The following ITGA10 variants were observed in gnomAD, a reference collection of about 807,000 sequenced individuals.
ITGA10 encodes the protein integrin alpha-10.
ITGA10 carries 105 observed loss-of-function variants against 145.2 expected under a neutral mutation model. The ratio of observed to expected loss-of-function variants is 0.72; its 90% CI spans 0.62 to 0.85. ITGA10 has a LOEUF of 0.85. Ranked by LOEUF, ITGA10 falls within the 40% of genes least tolerant of loss-of-function variation. The pLI is 0.00. For missense variants in ITGA10, 1,317 were observed against 1,444.5 expected, an observed-to-expected ratio of 0.91 and a Z score of 1.43; for synonymous variants, 506 against 557.8, an observed-to-expected ratio of 0.91 and a Z score of 1.31.
Position 145,896,271 on chromosome 1 carries a change from G to A in ITGA10, c.2916C>T (p.Leu972=). 6.2e-7 allele frequency: 1 copy of A among 1,612,056 alleles called. No individual in the cohort carries two copies. The highest frequency in any genetic ancestry group is 8.5e-7 in the Non-Finnish European group (1 of 1,178,094). Residue 972 remains leucine, a synonymous_variant, in exon 24 of 30, where the codon CTC becomes CTT. Coordinates refer to ENST00000369304, the MANE Select transcript of ITGA10 (RefSeq NM_003637.5). ...VGPGPEFKTT[L]RVQNLGCYVV... is the part of the protein sequence containing the mutation. ...CAAGACCCCTCCAGCTTCTCACCCT[G>A]AGAGTGGTTTTGAATTCTGGGCCAG...
Position 145,902,082 on chromosome 1 carries a change from C to A in ITGA10, c.1150-61G>T, listed in dbSNP as rs1345127327. On this transcript the variant is annotated intron_variant, in intron 10 of 29. Transcript: ENST00000369304. ...CAGTGGGGAATAAAGAGAAAAAAAA[C>A]GTTCCAGGAGTGAAAAGATCACTGA... 14 of 1,547,536 alleles carry A rather than the reference C, an allele frequency of 9.0e-6. No homozygotes were observed. The East Asian group carries it at 1.3e-4, about 15-fold the overall frequency.
chr1:145,901,784 C>A lies in ITGA10; in HGVS notation c.1294+93G>T. 6.4e-7 allele frequency: 1 copy of A among 1,567,544 alleles called. No individual in the cohort carries two copies. On this transcript the variant is annotated intron_variant, in intron 11 of 29. Transcript: ENST00000369304. The surrounding 1 kb of genome is among the most constrained non-coding windows in gnomAD (Gnocchi z 4.3). ...GTAACCAGAGGTCAGTGAGAAACCGCATGAGTTAAGAGGGAGTATTTCATA... is the reference window on the plus strand; with the variant it reads ...GTAACCAGAGGTCAGTGAGAAACCGAATGAGTTAAGAGGGAGTATTTCATA...
At position 145,897,626 on chromosome 1, in the gene ITGA10, G is replaced by C; in HGVS notation, c.2460C>G (p.Gly820=). The part of the protein sequence containing the change: ...SRKAPFVVRG[G]RRKVLVSTTL... ...TTGTAGATACCAGCACTTTCCGCCGGCCACCTCGAACCACAAATGGGGCCT... is the reference window on the plus strand; with the variant it reads ...TTGTAGATACCAGCACTTTCCGCCGCCCACCTCGAACCACAAATGGGGCCT... The change falls in exon 20 of 30, where the codon GGC becomes GGG. Residue 820 remains glycine, a synonymous_variant. Transcript: ENST00000369304. The C allele has an allele frequency of 1.2e-6, 2 of 1,614,116 alleles. No homozygotes were observed. Among genetic ancestry groups the C allele is most frequent in the South Asian group, 2.2e-5 (2 of 91,086 alleles).
At position 145,909,564 on chromosome 1, in the gene ITGA10, TATATATA is replaced by T. The variant is rs1657608945; in HGVS notation, c.52+392_52+398del. On this transcript the variant is annotated intron_variant, in intron 1 of 29. Coordinates refer to ENST00000369304, the MANE Select transcript of ITGA10 (RefSeq NM_003637.5). ...ATTATGTTATATATTATATGTATATTATATATAATATATAATTATGTTACATATTATA... is the reference window on the plus strand; with the variant it reads ...ATTATGTTATATATTATATGTATATTATATATAATTATGTTACATATTATA... 2.9e-5 allele frequency among the ~76,000 whole-genome samples: 4 copies of T among 136,768 alleles called. No individual in the cohort carries two copies. The South Asian group carries it at 6.4e-4, about 22-fold the overall frequency. The allele number at this position is 136,768 out of a possible 152,430, so 89.7% of individuals were successfully genotyped here. A position where few individuals can be genotyped will look rare whatever the true frequency, so the allele number is the denominator to read the frequency against.
chr1:145,901,510 C>T lies in ITGA10; in HGVS notation c.1443+6G>A. On this transcript the variant is annotated splice_donor_region_variant and intron_variant, in intron 12 of 29. Transcript: ENST00000369304. The surrounding 1 kb of genome is among the most constrained non-coding windows in gnomAD (Gnocchi z 4.3). ...CAAAGGTCCCACCCTTCCTTGGATG[C>T]CCTACCTGCTCCCCCTGGAGGCTCT... 6.4e-7 allele frequency: 1 copy of T among 1,556,184 alleles called. No individual in the cohort carries two copies. The highest frequency in any genetic ancestry group is 8.7e-7 in the Non-Finnish European group (1 of 1,154,504).
In ITGA10 at chr1:145,895,331, A is replaced by G. The variant is rs2101753094; in HGVS notation, c.3177T>C (p.Thr1059=). Residue 1059 remains threonine (T), a synonymous_variant, in exon 27 of 30, where the codon ACT becomes ACC. Transcript: ENST00000369304. ...GCCTCAATAGTCCAACAGAGACCTC[A>G]GTCCCCTTTGCCAGCTGCCCAAGGT... ...RCHLGQLAKG[T]EVSVGLLRLV... is the part of the protein sequence containing the mutation. The G allele has an allele frequency of 6.2e-7, 1 of 1,614,202 alleles. No homozygotes were observed. Among genetic ancestry groups the G allele is most frequent in the Non-Finnish European group, 8.5e-7 (1 of 1,180,016 alleles).
intron 18 of ITGA10, 78 bp downstream of exon 18, chr1:145,898,032 C>T (rs1655686962): frequency 7.6e-6 from 10 of 1,315,300 alleles, no homozygotes; most frequent in Non-Finnish European, 1.1e-5. Context: ...ACCATGATCT[C>T]ATGTCTTCTC....
At chr1:145,897,145 G>T in intron 21 of ITGA10, 58 bp from the exon 22 acceptor site, 1 of 1,566,932 alleles carries the variant, frequency 6.4e-7, no homozygotes, top group Non-Finnish European at 8.8e-7. Flanking sequence ...AACTACAGAG[G>T]AACAGGAGCC....
rs1553743658 is a variant in ITGA10, at chr1:145,892,872, GAA to G, written c.3439-11_3439-10del. On this transcript the variant is annotated splice_polypyrimidine_tract_variant and intron_variant, in intron 29 of 29. Coordinates refer to ENST00000369304, the MANE Select transcript of ITGA10 (RefSeq NM_003637.5). ...TGGGCAAAGAAGCCAAGCTGTAGAA[GAA>G]AAGATAAGCGTCACTGCCAAATGCC... 8 of 1,612,370 alleles carry G rather than the reference GAA, an allele frequency of 5.0e-6. No individual in the cohort carries two copies. The highest frequency in any genetic ancestry group is 3.4e-6 in the Non-Finnish European group (4 of 1,178,416).
chr1:145,897,801 C>T lies in ITGA10; in HGVS notation c.2432+14G>A, dbSNP rs372419335. 18 of 1,613,280 alleles carry T rather than the reference C, an allele frequency of 1.1e-5. No homozygotes were observed. The African/African-American group carries it at 1.6e-4, about 14-fold the overall frequency. On this transcript the variant is annotated intron_variant, in intron 19 of 29. Transcript: ENST00000369304. The stretch of plus-strand genomic sequence containing the variant: ...TCAGGTCACCCTGGTTTGCCTAGTA[C>T]ATGTCCATCCAACCTGGAGCCTCTG...
At chr1:145,906,958 G>T in intron 3 of ITGA10, 83 bp downstream of exon 3, 1 of 1,203,954 alleles carries the variant, frequency 8.3e-7, no homozygotes, top group Non-Finnish European at 1.2e-6. Flanking sequence ...TTTTAGGGGT[G>T]AAAAAGCTGA....
At chr1:145,898,866 T>G (rs1655820332) in intron 17 of ITGA10, 70 bp downstream of exon 17, 1 of 1,532,072 alleles carries the variant, frequency 6.5e-7, no homozygotes, top group Non-Finnish European at 8.8e-7. Flanking sequence ...TCAGCTAAAA[T>G]TCCTCCTCTG....
At chr1:145,896,925 A>G (rs782178343) in intron 22 of ITGA10, 67 bp from the exon 23 acceptor site, 53 of 1,533,144 alleles carry the variant, frequency 3.5e-5, no homozygotes, top group Non-Finnish European at 4.6e-5. Flanking sequence ...CTCTGTTAAT[A>G]GAGGAATCAA....
At position 145,895,632 on chromosome 1, in the gene ITGA10, A is replaced by G; in HGVS notation, c.3113T>C (p.Leu1038Pro). ...TGGACACCCCTTTGTGACTCATACC[A>G]GTCTGTTTGTGTGTTGAAGCTCCTC... ...HPEELQHTNR[L>P]NGSNTQCQVV... The change falls in exon 26 of 30, where the codon CTG becomes CCG. Residue 1038 changes from leucine (L) to proline (P), a missense_variant and splice_region_variant. By Grantham distance (98) the Leu-to-Pro change is moderately conservative. Transcript: ENST00000369304. 1 of 1,613,982 alleles carries G rather than the reference A, an allele frequency of 6.2e-7. No homozygotes were observed. Among genetic ancestry groups the G allele is most frequent in the Non-Finnish European group, 8.5e-7 (1 of 1,179,920 alleles).
At chr1:145,908,382 C>T (rs1553752118) in intron 1 of ITGA10, among the ~76,000 whole-genome samples, 1 of 152,126 alleles carries the variant, frequency 6.6e-6, no homozygotes, top group Non-Finnish European at 1.5e-5. Flanking sequence ...CATAGTTTGC[C>T]ATCCATCCTT....
At chr1:145,907,492 T>C (rs782253988) in intron 1 of ITGA10, 27 bp from the exon 2 acceptor site, 22 of 1,613,668 alleles carry the variant, frequency 1.4e-5, no homozygotes, top group East Asian at 2.2e-5. Context: ...ATAATGTTAG[T>C]ATGAGGTAGT....
Position 145,891,748 on chromosome 1 carries a change from CAAGT to C in ITGA10, c.*1046_*1049del, listed in dbSNP as rs1464781196. ...TTTGTGCTACATAACCAGTGCTGAG[CAAGT>C]AAGGGCTTGCTCCCCAGAGCCCCAT... On this transcript the variant is annotated 3_prime_UTR_variant, in exon 30 of 30. Transcript: ENST00000369304. 1 of 152,224 alleles carries C rather than the reference CAAGT, an allele frequency of 6.6e-6. No homozygotes were observed. Among genetic ancestry groups the C allele is most frequent in the Non-Finnish European group, 1.5e-5 (1 of 68,068 alleles). The allele number at this position is 152,224 out of a possible 1,614,324, so 9.4% of individuals were successfully genotyped here. A position where few individuals can be genotyped will look rare whatever the true frequency, so the allele number is the denominator to read the frequency against.
At position 145,895,672 on chromosome 1, in the gene ITGA10, G is replaced by A; in HGVS notation, c.3073C>T (p.Pro1025Ser). The A allele has an allele frequency of 6.2e-7, 1 of 1,614,190 alleles. No individual in the cohort carries two copies. ...TGAAGCTCCTCTGGATGCACAGGTGGGCCTGGGGGTTCAGTCAGGTTCTGC... is the reference window on the plus strand; with the variant it reads ...TGAAGCTCCTCTGGATGCACAGGTGAGCCTGGGGGTTCAGTCAGGTTCTGC... ...IVQNLTEPPG[P>S]PVHPEELQHT... The change falls in exon 26 of 30, where the codon CCA becomes TCA. Residue 1025 changes from proline (P) to serine (S), a missense_variant. Coordinates refer to ENST00000369304, the MANE Select transcript of ITGA10 (RefSeq NM_003637.5).
intron 24 of ITGA10, 32 bp from the exon 25 acceptor site, chr1:145,896,128 G>A (rs782427339): frequency 6.4e-7 from 1 of 1,569,842 alleles, no homozygotes; most frequent in South Asian, 1.1e-5. Context: ...GGAAGAAGTG[G>A]GAGACAGAAG....
Sources: allele counts gnomAD v4.1 joint callset (sites outside exome capture counted in the v4.1 genomes callset), GRCh38; gene constraint gnomAD v4.1.1; non-coding constraint Gnocchi (gnomAD v3.1); transcripts MANE v1.5; gene names NCBI Gene and HGNC (gene_info 2026-07-23, HGNC 2026-07-21).